The following CDH13 variants were observed in gnomAD, a reference collection of about 807,000 sequenced individuals.
CDH13 encodes the protein cadherin-13.
CDH13 carries 24 observed loss-of-function variants against 63.8 expected under a neutral mutation model. That is an observed-to-expected ratio of 0.38 (90% CI 0.27 to 0.53). The LOEUF is 0.53. CDH13 is among the 20% of genes least tolerant of loss of function. CDH13 has a pLI of 0.85. For synonymous variants in CDH13, 503 were observed against 355.3 expected (o/e 1.42, Z -4.67); for missense variants, 1,049 against 903.1 (o/e 1.16, Z -2.07).
intron 2 of CDH13, among the ~76,000 whole-genome samples, chr16:82,978,099 A>G (rs1909772153): frequency 6.6e-6 from 1 of 152,128 alleles, no homozygotes; most frequent in African/African-American, 2.4e-5. Context: ...AACTGGAGAG[A>G]GATGATTTAG....
chr16:83,365,488 A>C (rs1220937157), intron 6 of CDH13, among the ~76,000 whole-genome samples: 1 of 152,194 alleles, frequency 6.6e-6, no homozygotes, highest in East Asian at 1.9e-4. Flanking sequence ...TGACTCATAA[A>C]ATTAATCATC....
intron 7 of CDH13, among the ~76,000 whole-genome samples, chr16:83,583,529 C>T (rs150966291): frequency 3.1e-4 from 47 of 152,294 alleles, no homozygotes; most frequent in Admixed American, 1.0e-3. Context: ...ACATGGTCAA[C>T]GATGTATAGG....
intron 4 of CDH13, among the ~76,000 whole-genome samples, chr16:83,175,472 T>C (rs898114168): frequency 6.6e-6 from 1 of 152,060 alleles, no homozygotes; most frequent in African/African-American, 2.4e-5. Context: ...AGGGATTGTT[T>C]GGAAAGATCA....
At chr16:82,670,983 T>C (rs1434654018) in intron 1 of CDH13, among the ~76,000 whole-genome samples, 2 of 152,202 alleles carry the variant, frequency 1.3e-5, no homozygotes, top group African/African-American at 2.4e-5. Context: ...ACAATGATGA[T>C]TATCATGTAT....
At chr16:83,309,855 C>A (rs933081618) in intron 5 of CDH13, among the ~76,000 whole-genome samples, 1 of 151,636 alleles carries the variant, frequency 6.6e-6, no homozygotes, top group African/African-American at 2.4e-5. Flanking sequence ...AGAAGTCCTT[C>A]CAGACAAATG....
At chr16:82,948,070 A>T (rs1405278447) in intron 2 of CDH13, among the ~76,000 whole-genome samples, 1 of 152,214 alleles carries the variant, frequency 6.6e-6, no homozygotes, top group African/African-American at 2.4e-5. Flanking sequence ...TCTTTAATGG[A>T]CATTGAAAGA....
intron 2 of CDH13, among the ~76,000 whole-genome samples, chr16:82,889,840 T>TTTA: frequency 1.3e-5 from 2 of 152,206 alleles, no homozygotes; most frequent in African/African-American, 4.8e-5. Context: ...CTAAAGGGCA[T>TTTA]GGTTGATTTA....
chr16:83,633,000 C>A (rs189374190), intron 8 of CDH13, among the ~76,000 whole-genome samples: 3 of 151,936 alleles, frequency 2.0e-5, no homozygotes, highest in Non-Finnish European at 4.4e-5. Context: ...GTGGGAGTGT[C>A]TTTTGACATG....
At chr16:83,355,350 T>C (rs1300391002) in intron 6 of CDH13, among the ~76,000 whole-genome samples, 2 of 152,164 alleles carry the variant, frequency 1.3e-5, no homozygotes, top group Non-Finnish European at 2.9e-5. Context: ...CCTTAATAGG[T>C]TTATAAATTT....
At chr16:83,776,637 G>T (rs966689757) in intron 11 of CDH13, among the ~76,000 whole-genome samples, 1 of 152,160 alleles carries the variant, frequency 6.6e-6, no homozygotes, top group Non-Finnish European at 1.5e-5. Flanking sequence ...CTTTAAGCTG[G>T]TTTTTTCCCC....
intron 1 of CDH13, among the ~76,000 whole-genome samples, chr16:82,827,080 C>A (rs1380815808): frequency 6.6e-6 from 1 of 152,092 alleles, no homozygotes; most frequent in Non-Finnish European, 1.5e-5. Context: ...CACATTTGGC[C>A]CATATCTTAA....
At chr16:83,403,900 A>G (rs908326847) in intron 6 of CDH13, among the ~76,000 whole-genome samples, 2 of 152,236 alleles carry the variant, frequency 1.3e-5, no homozygotes, top group African/African-American at 4.8e-5. Context: ...CACACTTGAA[A>G]TGTTCGGGCA....
intron 4 of CDH13, among the ~76,000 whole-genome samples, chr16:83,162,122 G>T (rs185263766): frequency 3.9e-5 from 6 of 152,260 alleles, no homozygotes; most frequent in East Asian, 3.9e-4. Context: ...GCATTTACAT[G>T]CCTGGTGCTT....
chr16:82,836,545 A>G (rs1419826946), intron 1 of CDH13, among the ~76,000 whole-genome samples: 1 of 152,180 alleles, frequency 6.6e-6, no homozygotes, highest in Non-Finnish European at 1.5e-5. Context: ...ACTTTGAGGA[A>G]TACTGATGAG....
At chr16:83,191,254 CTGT>C (rs1567492732) in intron 4 of CDH13, among the ~76,000 whole-genome samples, 1 of 144,790 alleles carries the variant, frequency 6.9e-6, no homozygotes, top group Non-Finnish European at 1.5e-5. Flanking sequence ...CAGAATAAGC[CTGT>C]AACAAATCAC....
intron 1 of CDH13, among the ~76,000 whole-genome samples, chr16:82,779,815 G>A (rs1009649014): frequency 6.6e-6 from 1 of 152,088 alleles, no homozygotes; most frequent in African/African-American, 2.4e-5. Flanking sequence ...AGTCGAGGGA[G>A]ATGACTGAAG....
intron 11 of CDH13, among the ~76,000 whole-genome samples, chr16:83,768,751 C>G (rs936145671): frequency 2.0e-5 from 3 of 151,962 alleles, no homozygotes; most frequent in African/African-American, 7.3e-5. Context: ...CATTTGTAAA[C>G]TGTCATGGTG....
chr16:83,281,581 G>C (rs1400856910), intron 5 of CDH13, among the ~76,000 whole-genome samples: 1 of 152,158 alleles, frequency 6.6e-6, no homozygotes, highest in African/African-American at 2.4e-5. Context: ...CTGGCTTTCA[G>C]CTATCTCAGC....
chr16:82,734,370 G>C (rs2033560102), intron 1 of CDH13, among the ~76,000 whole-genome samples: 1 of 152,210 alleles, frequency 6.6e-6, no homozygotes, highest in Non-Finnish European at 1.5e-5. Flanking sequence ...GAGTTTTCCA[G>C]GGAGAGGGGA....
Sources: gnomAD v4.1 joint callset for allele counts (sites outside exome capture counted in the v4.1 genomes callset) on GRCh38, gnomAD v4.1.1 for gene constraint, MANE v1.5 for transcripts, NCBI Gene and HGNC (gene_info 2026-07-23, HGNC 2026-07-21) for gene names.